Variants in DLG2 observed in about 807,000 individuals in gnomAD.
DLG2 encodes the protein discs large MAGUK scaffold protein 2, also known as disks large homolog 2.
In DLG2, 45 loss-of-function variants were observed where a neutral mutation model predicts 132.5. The ratio of observed to expected loss-of-function variants is 0.34; its 90% CI spans 0.27 to 0.44. The LOEUF is 0.44. Among genes scored for constraint, DLG2 ranks in the 20% least tolerant of loss-of-function variants. The pLI, the probability that DLG2 is intolerant of heterozygous loss-of-function variation, is 1.00. For synonymous variants in DLG2, 424 were observed against 419.6 expected, an observed-to-expected ratio of 1.01 and a Z score of -0.13; for missense variants, 1,045 against 1,196.9, an observed-to-expected ratio of 0.87 and a Z score of 1.87.
intron 7 of DLG2, among the ~76,000 whole-genome samples, chr11:84,508,125 C>A (rs2099246909): frequency 6.6e-6 from 1 of 152,164 alleles, no homozygotes; most frequent in Non-Finnish European, 1.5e-5. Flanking sequence ...AATGAAACCA[C>A]CAGTTCTTAC....
At chr11:83,492,289 T>C (rs78406669) in intron 21 of DLG2, among the ~76,000 whole-genome samples, 2,367 of 152,176 alleles carry the variant, frequency 0.016, 56 homozygotes, top group African/African-American at 0.054. Context: ...CCTTGAACTC[T>C]GGTACACCTC....
At chr11:83,702,554 G>A (rs1183128911) in intron 18 of DLG2, among the ~76,000 whole-genome samples, 1 of 152,190 alleles carries the variant, frequency 6.6e-6, no homozygotes, top group East Asian at 1.9e-4. Context: ...GTCTGTTGGG[G>A]AAGAAGAAGG....
At chr11:83,828,028 T>TAA (rs967040060) in intron 17 of DLG2, among the ~76,000 whole-genome samples, 1 of 152,194 alleles carries the variant, frequency 6.6e-6, no homozygotes, top group African/African-American at 2.4e-5. Context: ...CTTAAATATT[T>TAA]AATTTTGGAA....
chr11:84,226,089 G>A (rs1179144631), intron 8 of DLG2, among the ~76,000 whole-genome samples: 1 of 152,196 alleles, frequency 6.6e-6, no homozygotes, highest in Non-Finnish European at 1.5e-5. Context: ...GGGATTACAG[G>A]CGTGAGCTGC....
At chr11:84,761,695 G>T (rs2153864269) in intron 6 of DLG2, among the ~76,000 whole-genome samples, 1 of 152,268 alleles carries the variant, frequency 6.6e-6, no homozygotes, top group East Asian at 1.9e-4. Flanking sequence ...TTTGCCAGGG[G>T]CTCTCAGGCC....
chr11:84,376,812 C>A (rs1430190057), intron 7 of DLG2, among the ~76,000 whole-genome samples: 1 of 151,904 alleles, frequency 6.6e-6, no homozygotes, highest in Non-Finnish European at 1.5e-5. Context: ...TTCTCCTACA[C>A]AAACTGAGCA....
chr11:85,140,278 A>G (rs974347275), intron 5 of DLG2, among the ~76,000 whole-genome samples: 1 of 151,852 alleles, frequency 6.6e-6, no homozygotes, highest in African/African-American at 2.4e-5. Flanking sequence ...ATTCCCACCA[A>G]CAGTGTACAG....
intron 7 of DLG2, among the ~76,000 whole-genome samples, chr11:84,318,580 G>A (rs2098382905): frequency 6.6e-6 from 1 of 152,180 alleles, no homozygotes; most frequent in African/African-American, 2.4e-5. Context: ...ATCATAGCAA[G>A]TTCTACATTT....
chr11:84,814,767 T>C (rs1391141364), intron 6 of DLG2, among the ~76,000 whole-genome samples: 1 of 152,142 alleles, frequency 6.6e-6, no homozygotes, highest in Non-Finnish European at 1.5e-5. Flanking sequence ...AAATATGCCT[T>C]CTCTGTGCTT....
chr11:85,578,528 C>G (rs1456763610), intron 3 of DLG2, among the ~76,000 whole-genome samples: 1 of 152,022 alleles, frequency 6.6e-6, no homozygotes, highest in African/African-American at 2.4e-5. Context: ...CTATAAGGAA[C>G]TTAAACAAAT....
chr11:83,594,962 A>G (rs1273760852), intron 19 of DLG2, among the ~76,000 whole-genome samples: 2 of 152,226 alleles, frequency 1.3e-5, no homozygotes, highest in Non-Finnish European at 2.9e-5. Flanking sequence ...GAAATTCCTA[A>G]TGGCTTTATG....
chr11:85,298,704 A>G (rs2079397818), intron 3 of DLG2, among the ~76,000 whole-genome samples: 1 of 152,052 alleles, frequency 6.6e-6, no homozygotes, highest in Admixed American at 6.6e-5. Context: ...ATTAACAGGA[A>G]ATTAACCAAT....
intron 7 of DLG2, among the ~76,000 whole-genome samples, chr11:84,502,545 G>A (rs139998060): frequency 0.12 from 18,482 of 150,368 alleles, 1,442 homozygotes; most frequent in South Asian, 0.2. Context: ...ACAGGGTCCC[G>A]CCACCATACC....
intron 3 of DLG2, among the ~76,000 whole-genome samples, chr11:85,417,097 A>G (rs2089930429): frequency 6.6e-6 from 1 of 152,132 alleles, no homozygotes; most frequent in Admixed American, 6.6e-5. Context: ...AATAGCTCTT[A>G]TTATTTTGAG....
chr11:83,607,966 G>A (rs1452143592), intron 19 of DLG2, among the ~76,000 whole-genome samples: 1 of 152,192 alleles, frequency 6.6e-6, no homozygotes, highest in Non-Finnish European at 1.5e-5. Context: ...TCTCAGGGTA[G>A]GGGACAAGGT....
chr11:84,072,908 GA>G (rs2096777730), intron 10 of DLG2, among the ~76,000 whole-genome samples: 1 of 152,180 alleles, frequency 6.6e-6, no homozygotes, highest in Admixed American at 6.5e-5. Flanking sequence ...AAGAGAAGGG[GA>G]CAGACATGGA....
intron 7 of DLG2, among the ~76,000 whole-genome samples, chr11:84,266,845 T>G (rs771270226): frequency 6.6e-6 from 1 of 152,190 alleles, no homozygotes; most frequent in African/African-American, 2.4e-5. Context: ...AATTCTCCCT[T>G]CTTAAGTATT....
chr11:85,518,812 T>C (rs533400923), intron 3 of DLG2, among the ~76,000 whole-genome samples: 1 of 152,256 alleles, frequency 6.6e-6, no homozygotes, highest in East Asian at 1.9e-4. Context: ...AGGGACCCTC[T>C]GTTGTTTACA....
chr11:84,635,535 T>C (rs971931220), intron 6 of DLG2, among the ~76,000 whole-genome samples: 1 of 152,162 alleles, frequency 6.6e-6, no homozygotes, highest in African/African-American at 2.4e-5. Flanking sequence ...AAAATACAAG[T>C]ATAATTATTA....
Sources: allele counts gnomAD v4.1 joint callset (sites outside exome capture counted in the v4.1 genomes callset), GRCh38; gene constraint gnomAD v4.1.1; transcripts MANE v1.5; gene names NCBI Gene and HGNC (gene_info 2026-07-23, HGNC 2026-07-21).